ROBO2: variants seen among roughly 807,000 people sequenced by gnomAD.
ROBO2 encodes roundabout guidance receptor 2.
In ROBO2, 53 loss-of-function variants were observed where a neutral mutation model predicts 160.8. That is an observed-to-expected ratio of 0.33 (90% CI 0.26 to 0.41). The LOEUF is 0.41. Ranked by LOEUF, ROBO2 falls within the 10% of genes least tolerant of loss-of-function variation. ROBO2 has a pLI of 1.00. For synonymous variants in ROBO2, 664 were observed against 611.7 expected (o/e 1.09, Z -1.26); for missense variants, 1,577 against 1,722.4 (o/e 0.92, Z 1.49).
At chr3:76,075,044 A>G (rs2068599157) in intron 2 of ROBO2, among the ~76,000 whole-genome samples, 1 of 152,132 alleles carries the variant, frequency 6.6e-6, no homozygotes, top group African/African-American at 2.4e-5. Flanking sequence ...TTCAGACACA[A>G]GTGATAATTT....
intron 2 of ROBO2, among the ~76,000 whole-genome samples, chr3:76,412,947 T>G (rs933461314): frequency 1.3e-5 from 2 of 152,300 alleles, no homozygotes; most frequent in Admixed American, 6.5e-5. Flanking sequence ...GCAGAGGTTC[T>G]CCATGAGGGC....
At chr3:77,314,652 T>A (rs548447019) in intron 2 of ROBO2, among the ~76,000 whole-genome samples, 96 of 152,310 alleles carry the variant, frequency 6.3e-4, no homozygotes, top group African/African-American at 2.2e-3. Flanking sequence ...AGTCATAGAA[T>A]TCTAACATCA....
chr3:76,163,150 T>C (rs905422246), intron 2 of ROBO2, among the ~76,000 whole-genome samples: 3 of 152,058 alleles, frequency 2.0e-5, no homozygotes, highest in African/African-American at 7.2e-5. Flanking sequence ...GTTTGTTGCA[T>C]CTGATAACTT....
At chr3:77,032,678 C>T (rs945390660) in intron 2 of ROBO2, among the ~76,000 whole-genome samples, 1 of 152,148 alleles carries the variant, frequency 6.6e-6, no homozygotes, top group African/African-American at 2.4e-5. Flanking sequence ...GCTCAACTCA[C>T]AGTGCAAAGC....
chr3:77,302,204 A>G (rs2062721587), intron 2 of ROBO2, among the ~76,000 whole-genome samples: 1 of 152,006 alleles, frequency 6.6e-6, no homozygotes, highest in Non-Finnish European at 1.5e-5. Context: ...GGCCTCCCAA[A>G]GTGCTGGGAT....
intron 2 of ROBO2, among the ~76,000 whole-genome samples, chr3:76,935,318 G>A (rs760761939): frequency 4.6e-5 from 7 of 152,038 alleles, no homozygotes; most frequent in Admixed American, 1.3e-4. Context: ...CTTTGCTCAC[G>A]CTCCCTTAAT....
chr3:76,934,976 C>T (rs933090791), intron 2 of ROBO2, among the ~76,000 whole-genome samples: 8 of 60,252 alleles, frequency 1.3e-4, no homozygotes, highest in Admixed American at 1.1e-3. Flanking sequence ...TTTTTTTAGA[C>T]CATCTCACTC....
intron 2 of ROBO2, among the ~76,000 whole-genome samples, chr3:77,180,410 CTCTCTCTATA>C (rs2080618709): frequency 2.0e-5 from 2 of 97,986 alleles, no homozygotes; most frequent in African/African-American, 7.1e-5. Flanking sequence ...CTCTCTCTCT[CTCTCTCTATA>C]TATATATATA....
At chr3:77,424,299 G>A (rs2077980428) in intron 2 of ROBO2, among the ~76,000 whole-genome samples, 1 of 152,218 alleles carries the variant, frequency 6.6e-6, no homozygotes, top group Admixed American at 6.5e-5. Flanking sequence ...GAGTAGGATG[G>A]TATGAGTAAA....
chr3:77,595,287 C>T (rs1025648084), intron 18 of ROBO2, 103 bp downstream of exon 19: 3 of 906,606 alleles, frequency 3.3e-6, no homozygotes, highest in African/African-American at 1.7e-5. Context: ...ACTTAAAAGT[C>T]TGAGAATTCT....
intron 2 of ROBO2, among the ~76,000 whole-genome samples, chr3:76,724,834 C>G (rs1011923714): frequency 6.6e-6 from 1 of 152,086 alleles, no homozygotes; most frequent in Non-Finnish European, 1.5e-5. Flanking sequence ...CCAGGTGGCC[C>G]TAAATTCAAT....
At chr3:77,117,030 G>A (rs941724360) in intron 2 of ROBO2, among the ~76,000 whole-genome samples, 2 of 152,088 alleles carry the variant, frequency 1.3e-5, no homozygotes, top group South Asian at 4.1e-4. Context: ...TAAGACAAAA[G>A]TTGCAGAAAT....
At chr3:77,102,035 A>G (rs932113204) in intron 2 of ROBO2, among the ~76,000 whole-genome samples, 4 of 152,188 alleles carry the variant, frequency 2.6e-5, no homozygotes, top group Admixed American at 6.5e-5. Flanking sequence ...GTGAAACCCT[A>G]TCTCAAACAA....
In ROBO2 at chr3:76,815,512, G is replaced by A. The variant is rs573443483; in HGVS notation, c.110-282502G>A. Among the ~76,000 whole-genome samples the A allele has an allele frequency of 2.5e-4, 38 of 151,762 alleles. 1 individual carries two copies. Among genetic ancestry groups the A allele is most frequent in the Admixed American group, 1.4e-3 (22 of 15,210 alleles). On this transcript the variant is annotated intron_variant, in intron 2 of 26. Coordinates refer to the ROBO2 transcript ENST00000487694. The stretch of plus-strand genomic sequence containing the variant: ...TTTGATTAAAAATATTGTACCCAGC[G>A]TAGGAGTGTTGTGTTTTCAACTATT...
upstream of ROBO2, among the ~76,000 whole-genome samples, chr3:77,037,458 G>A (rs928299797): frequency 6.6e-5 from 10 of 152,230 alleles, no homozygotes; most frequent in Admixed American, 5.9e-4. Flanking sequence ...AGTTAAGAAT[G>A]CAAAATGTTG....
At position 76,111,945 on chromosome 3, in the gene ROBO2, G is replaced by A. The variant is rs189197880; in HGVS notation, c.109+174343G>A. Among the ~76,000 whole-genome samples, 189 of 152,174 alleles carry A rather than the reference G, an allele frequency of 1.2e-3. 4 individuals are homozygous for A. Among genetic ancestry groups the A allele is most frequent in the Admixed American group, 0.011 (169 of 15,266 alleles). On this transcript the variant is annotated intron_variant, in intron 2 of 26. Transcript: ENST00000487694. Reference sequence around the variant, plus strand: ...TAAATCTGCACACTTCTCAGAATGGGCACAGATAATTAGCCACAATGACCC... The same window carrying A: ...TAAATCTGCACACTTCTCAGAATGGACACAGATAATTAGCCACAATGACCC...
intron 2 of ROBO2, among the ~76,000 whole-genome samples, chr3:76,899,593 G>T (rs1032889415): frequency 1.3e-5 from 2 of 151,986 alleles, no homozygotes; most frequent in African/African-American, 4.8e-5. Context: ...TAAAGATATG[G>T]ACTTGTCGTC....
At chr3:76,618,066 CT>C (rs2088741391) in intron 2 of ROBO2, among the ~76,000 whole-genome samples, 1 of 151,552 alleles carries the variant, frequency 6.6e-6, no homozygotes, top group Non-Finnish European at 1.5e-5. Flanking sequence ...ACTTTAAAGG[CT>C]TCCTAGAAGA....
chr3:76,540,413 A>G (rs943886591), intron 2 of ROBO2, among the ~76,000 whole-genome samples: 5 of 152,348 alleles, frequency 3.3e-5, no homozygotes, highest in Admixed American at 2.0e-4. Flanking sequence ...GTATGGTCTA[A>G]CTGACTGACA....
Sources: allele counts gnomAD v4.1 joint callset (sites outside exome capture counted in the v4.1 genomes callset), GRCh38; gene constraint gnomAD v4.1.1; transcripts MANE v1.5; gene names NCBI Gene and HGNC (gene_info 2026-07-23, HGNC 2026-07-21).